Variants in NRXN1 observed in about 807,000 individuals in gnomAD.
NRXN1 encodes neurexin-1.
A neutral mutation model predicts 150.9 loss-of-function variants in NRXN1; 39 were observed. The observed-to-expected ratio is 0.26, with a 90% CI of 0.20 to 0.34. The LOEUF (loss-of-function observed/expected upper bound fraction) is 0.34, where lower values mean the gene tolerates loss of function less well. Among genes scored for constraint, NRXN1 ranks in the 10% least tolerant of loss-of-function variants. NRXN1 has a pLI of 1.00. For missense variants in NRXN1, 1,815 were observed against 1,949.9 expected (o/e 0.93, Z 1.30); for synonymous variants, 924 against 757.0 (o/e 1.22, Z -3.62).
chr2:50,920,364 G>A (rs1685829117), intron 5 of NRXN1, among the ~76,000 whole-genome samples: 1 of 151,708 alleles, frequency 6.6e-6, no homozygotes, highest in Non-Finnish European at 1.5e-5. Context: ...AATATCAGCT[G>A]AGTATAAACA....
intron 17 of NRXN1, among the ~76,000 whole-genome samples, chr2:50,409,384 G>C (rs1028885618): frequency 1.3e-5 from 2 of 152,240 alleles, no homozygotes; most frequent in East Asian, 3.9e-4. Flanking sequence ...CTTTTTGTTT[G>C]GCTTCTAGTG....
chr2:50,756,181 T>A (rs1701139426), intron 5 of NRXN1, among the ~76,000 whole-genome samples: 1 of 151,714 alleles, frequency 6.6e-6, no homozygotes, highest in African/African-American at 2.4e-5. Flanking sequence ...ATTGTCTATC[T>A]CCTTAGCAAT....
chr2:50,892,318 A>G (rs1018827861), intron 5 of NRXN1, among the ~76,000 whole-genome samples: 5 of 152,264 alleles, frequency 3.3e-5, no homozygotes, highest in South Asian at 4.1e-4. Context: ...TGTAGATGGA[A>G]GTTGTGATGC....
chr2:50,942,256 T>C (rs1040625107), intron 2 of NRXN1, among the ~76,000 whole-genome samples: 4 of 152,168 alleles, frequency 2.6e-5, no homozygotes, highest in Admixed American at 6.5e-5. Context: ...AGAAATCTAC[T>C]GTGGGAATGG....
In NRXN1 at chr2:51,028,870, G is replaced by C. The variant is rs1003815866; in HGVS notation, c.-597C>G. On this transcript the variant is annotated 5_prime_UTR_variant, in exon 2 of 23. Coordinates refer to ENST00000401669, the MANE Select transcript of NRXN1 (RefSeq NM_001330078.2). ...GGAGAAAGGGATGCTTGCCTCTTTA[G>C]GGCACCATTTCTTAACCCGAGGATA... is the stretch of plus-strand genomic sequence containing the variant. 1 of 152,268 alleles carries C rather than the reference G, an allele frequency of 6.6e-6. No individual in the cohort carries two copies. The highest frequency in any genetic ancestry group is 1.5e-5 in the Non-Finnish European group (1 of 68,094). The allele number at this position is 152,268 out of a possible 1,614,324, so 9.4% of individuals were successfully genotyped here.
chr2:50,043,535 T>G (rs748536766), intron 21 of NRXN1, among the ~76,000 whole-genome samples: 2 of 152,280 alleles, frequency 1.3e-5, no homozygotes, highest in African/African-American at 2.4e-5. Context: ...CAAGGACAAT[T>G]TCTTTTGGAA....
chr2:50,523,881 G>C (rs1018819702), intron 12 of NRXN1, among the ~76,000 whole-genome samples: 3 of 152,144 alleles, frequency 2.0e-5, no homozygotes, highest in African/African-American at 4.8e-5. Context: ...ATATGTAATT[G>C]TGTTGTCTCT....
intron 12 of NRXN1, among the ~76,000 whole-genome samples, chr2:50,526,127 G>C (rs1046753719): frequency 6.6e-6 from 1 of 152,118 alleles, no homozygotes; most frequent in Admixed American, 6.6e-5. Flanking sequence ...TAGGGAAAGA[G>C]AAAATGACTA....
intron 15 of NRXN1, among the ~76,000 whole-genome samples, chr2:50,495,378 GTGGTGTGTGTGT>G (rs1180777774): frequency 9.3e-4 from 8 of 8,582 alleles, no homozygotes; most frequent in African/African-American, 5.3e-3. Flanking sequence ...GTGTGTGTGT[GTGGTGTGTGTGT>G]GTGTGTGTGT....
At position 50,252,241 on chromosome 2, in the gene NRXN1, T is replaced by C. The variant is rs1254833596; in HGVS notation, c.3365-15271A>G. Among the ~76,000 whole-genome samples, 12 of 134,184 alleles carry C rather than the reference T, an allele frequency of 8.9e-5. No homozygotes were observed. The South Asian group carries it at 2.7e-3, about 31-fold the overall frequency. 88.0% of individuals were successfully genotyped at this position (134,184 alleles called of 152,430 possible). ...TTTAAATACATTTTGTCCTTTTTTT[T>C]TTTTCTTTTTTCTTTTCTTTTTTTT... On this transcript the variant is annotated intron_variant, in intron 17 of 22. Coordinates refer to ENST00000401669, the MANE Select transcript of NRXN1 (RefSeq NM_001330078.2).
chr2:50,285,056 A>G (rs1432666796), intron 17 of NRXN1, among the ~76,000 whole-genome samples: 1 of 152,164 alleles, frequency 6.6e-6, no homozygotes, highest in East Asian at 1.9e-4. Flanking sequence ...TATTTATCCA[A>G]TTTTTGGTGA....
At chr2:50,139,817 G>C (rs1027124066) in intron 18 of NRXN1, among the ~76,000 whole-genome samples, 2 of 151,992 alleles carry the variant, frequency 1.3e-5, no homozygotes, top group Non-Finnish European at 2.9e-5. Flanking sequence ...ACAGAAAAGA[G>C]TCATCAAGGA....
intron 5 of NRXN1, among the ~76,000 whole-genome samples, chr2:50,894,781 G>C (rs894427503): frequency 5.3e-5 from 8 of 152,052 alleles, no homozygotes; most frequent in African/African-American, 1.9e-4. Context: ...TATCATTTGA[G>C]GAATGCTGTT....
chr2:50,248,175 G>A (rs1021142252), intron 17 of NRXN1, among the ~76,000 whole-genome samples: 11 of 151,898 alleles, frequency 7.2e-5, no homozygotes, highest in Non-Finnish European at 1.6e-4. Context: ...CACCATACTT[G>A]GCGAATTTTT....
intron 8 of NRXN1, among the ~76,000 whole-genome samples, chr2:50,613,674 C>T (rs886135741): frequency 2.0e-5 from 3 of 152,204 alleles, no homozygotes; most frequent in Admixed American, 1.3e-4. Context: ...TGTGGTGGCT[C>T]ACGCCTGTAA....
At chr2:50,642,400 T>A (rs917897385) in intron 5 of NRXN1, among the ~76,000 whole-genome samples, 4 of 151,992 alleles carry the variant, frequency 2.6e-5, no homozygotes, top group African/African-American at 9.7e-5. Context: ...ATTTAGGAGA[T>A]TTGAGGAAAA....
rs571830314 is a variant in NRXN1, at chr2:50,967,169, G to A, written c.773-41214C>T. Among the ~76,000 whole-genome samples, 12 of 151,918 alleles carry A rather than the reference G, an allele frequency of 7.9e-5. No homozygotes were observed. The South Asian group carries it at 2.3e-3, about 29-fold the overall frequency. ...ATCCCACAATAGGCTGTGGCCTTTT[G>A]TTAATGCTACTTCAGATACATAAAT... On this transcript the variant is annotated intron_variant, in intron 2 of 22. Transcript: ENST00000401669.
At chr2:50,270,711 C>T (rs554484079) in intron 17 of NRXN1, among the ~76,000 whole-genome samples, 11 of 151,324 alleles carry the variant, frequency 7.3e-5, no homozygotes, top group African/African-American at 2.7e-4. Context: ...CATTTGTTGC[C>T]CAGGCTGGAG....
At chr2:50,246,166 G>A (rs1303498782) in intron 17 of NRXN1, among the ~76,000 whole-genome samples, 1 of 151,888 alleles carries the variant, frequency 6.6e-6, no homozygotes, top group African/African-American at 2.4e-5. Flanking sequence ...ATGCTTTATT[G>A]TAAACATCCT....
Sources: allele counts gnomAD v4.1 joint callset (sites outside exome capture counted in the v4.1 genomes callset), GRCh38; gene constraint gnomAD v4.1.1; transcripts MANE v1.5; gene names NCBI Gene and HGNC (gene_info 2026-07-23, HGNC 2026-07-21).